PCNX1: variants seen among roughly 807,000 people sequenced by gnomAD.
PCNX1 encodes pecanex 1.
A neutral mutation model predicts 242.2 loss-of-function variants in PCNX1; 78 were observed. The ratio of observed to expected loss-of-function variants is 0.32; its 90% CI spans 0.27 to 0.39. The LOEUF is 0.39. PCNX1 is among the 10% of genes least tolerant of loss of function. The pLI is 1.00. For missense variants in PCNX1, 2,581 were observed against 2,856.5 expected, an observed-to-expected ratio of 0.90 and a Z score of 2.20; for synonymous variants, 1,024 against 1,032.9, an observed-to-expected ratio of 0.99 and a Z score of 0.17.
At chr14:71,065,602 T>C (rs888143513) in intron 26 of PCNX1, among the ~76,000 whole-genome samples, 16 of 152,142 alleles carry the variant, frequency 1.1e-4, no homozygotes, top group Non-Finnish European at 1.9e-4. Flanking sequence ...TTCTTTTGCT[T>C]TACAGAAGCT....
rs925129981 is a variant in PCNX1 at position 71,025,080 on chromosome 14, C to A, written c.3184-1037C>A. ...TGATTCAGTTATCATTTATTGGTTG[C>A]CAAATGGTGATTTTTCTCATCCTGT... On this transcript the variant is annotated intron_variant, in intron 13 of 35. Transcript: ENST00000304743. Among the ~76,000 whole-genome samples the A allele has an allele frequency of 2.6e-5, 4 of 152,180 alleles. No homozygotes were observed. The East Asian group carries it at 5.8e-4, about 22-fold the overall frequency.
intron 8 of PCNX1, among the ~76,000 whole-genome samples, chr14:70,996,964 G>C (rs923956641): frequency 6.6e-6 from 1 of 152,070 alleles, no homozygotes; most frequent in African/African-American, 2.4e-5. Context: ...GTCATGTTCA[G>C]ATCTCACAGA....
intron 2 of PCNX1, among the ~76,000 whole-genome samples, chr14:70,949,046 A>T (rs1044900090): frequency 5.4e-5 from 8 of 148,906 alleles, no homozygotes; most frequent in African/African-American, 2.0e-4. Context: ...ATACACATGT[A>T]TATATAGATA....
At chr14:71,031,865 G>T in intron 16 of PCNX1, 1 of 1,456,490 alleles carries the variant, frequency 6.9e-7, no homozygotes. Flanking sequence ...CACTGTTTCA[G>T]CACTTTCACA....
At chr14:71,097,157 T>C (rs2062311397) in intron 30 of PCNX1, among the ~76,000 whole-genome samples, 2 of 152,236 alleles carry the variant, frequency 1.3e-5, no homozygotes. Flanking sequence ...TTCTTTTTTA[T>C]GGCTGCGTAG....
At chr14:71,037,472 T>G in intron 19 of PCNX1, among the ~76,000 whole-genome samples, 1 of 150,966 alleles carries the variant, frequency 6.6e-6, no homozygotes, top group Non-Finnish European at 1.5e-5. Flanking sequence ...CATCAATACC[T>G]AATTTATTGA....
At chr14:71,008,684 G>T (rs1002887324) in intron 8 of PCNX1, among the ~76,000 whole-genome samples, 4 of 147,282 alleles carry the variant, frequency 2.7e-5, no homozygotes, top group Non-Finnish European at 6.0e-5. Context: ...AAAAAAAAAG[G>T]GATTCCTGTT....
chr14:70,908,012 G>A lies in PCNX1; in HGVS notation c.153+9G>A. 6.4e-7 allele frequency: 1 copy of A among 1,569,654 alleles called. No homozygotes were observed. The highest frequency in any genetic ancestry group is 2.5e-5 in the East Asian group (1 of 39,858). ...CCTTCACCCTCTACATGGTGAGTGTGGGGGCGGGGAGCGGGTGGCTCCTTC... is the reference window on the plus strand; with the variant it reads ...CCTTCACCCTCTACATGGTGAGTGTAGGGGCGGGGAGCGGGTGGCTCCTTC... On this transcript the variant is annotated intron_variant, in intron 1 of 35. Coordinates refer to ENST00000304743, the MANE Select transcript of PCNX1 (RefSeq NM_014982.3).
At chr14:71,095,070 T>A (rs781015980) in intron 30 of PCNX1, among the ~76,000 whole-genome samples, 2 of 152,224 alleles carry the variant, frequency 1.3e-5, no homozygotes, top group African/African-American at 4.8e-5. Flanking sequence ...TTGTAGAAGA[T>A]TAACCAAAAC....
chr14:70,960,955 C>A (rs539879096), intron 2 of PCNX1, among the ~76,000 whole-genome samples: 1 of 152,254 alleles, frequency 6.6e-6, no homozygotes, highest in East Asian at 1.9e-4. Context: ...ATCCAACTTA[C>A]AAGGGATGTG....
chr14:70,951,576 T>C (rs1457424128), intron 2 of PCNX1, among the ~76,000 whole-genome samples: 1 of 152,168 alleles, frequency 6.6e-6, no homozygotes, highest in Non-Finnish European at 1.5e-5. Context: ...GGTTTCATCA[T>C]GTTGGCCAGG....
At chr14:71,059,459 C>T (rs1555371284) in intron 26 of PCNX1, among the ~76,000 whole-genome samples, 1 of 152,060 alleles carries the variant, frequency 6.6e-6, no homozygotes, top group Non-Finnish European at 1.5e-5. Flanking sequence ...TCACAGCTCA[C>T]TACATCCTCA....
intron 1 of PCNX1, among the ~76,000 whole-genome samples, chr14:70,922,990 T>C (rs939399785): frequency 1.3e-5 from 2 of 152,184 alleles, no homozygotes; most frequent in African/African-American, 4.8e-5. Context: ...TGTACCAACA[T>C]TGGTTATTAT....
intron 3 of PCNX1, chr14:70,965,399 C>T (rs2140505590): frequency 6.6e-6 from 1 of 152,446 alleles, no homozygotes; most frequent in East Asian, 1.9e-4. Flanking sequence ...CACGGTGGCT[C>T]ACGCCTGTAA....
chr14:70,996,957 ATGT>A (rs765430094), intron 8 of PCNX1, among the ~76,000 whole-genome samples: 6 of 152,168 alleles, frequency 3.9e-5, no homozygotes, highest in Admixed American at 1.3e-4. Flanking sequence ...GAAAAGTGTC[ATGT>A]TCAGATCTCA....
In PCNX1 at chr14:71,101,992, T is replaced by A; in HGVS notation, c.5592T>A (p.Asp1864Glu). The change falls in exon 31 of 36, where the codon GAT becomes GAA. Residue 1864 changes from aspartate (D) to glutamate (E), a missense_variant and splice_region_variant. By Grantham distance (45) the Asp-to-Glu change is conservative. Around this residue, in one of 9 missense-constraint regions of PCNX1, gnomAD observed 298 missense variants for 480.1 expected, o/e 0.62. Coordinates refer to ENST00000304743, the MANE Select transcript of PCNX1 (RefSeq NM_014982.3). ...GIRMSIKLHQ[D>E]HFTSPDEYDD... The stretch of plus-strand genomic sequence containing the variant: ...TTATATATTATTTTTGTATTTAGGA[T>A]CATTTTACTTCTCCAGATGAATATG... 6.6e-7 allele frequency: 1 copy of A among 1,524,658 alleles called. No homozygotes were observed. The highest frequency in any genetic ancestry group is 8.9e-7 in the Non-Finnish European group (1 of 1,120,620). The allele number at this position is 1,524,658 out of a possible 1,614,324, so 94.4% of individuals were successfully genotyped here.
intron 30 of PCNX1, among the ~76,000 whole-genome samples, chr14:71,094,010 A>C (rs575344921): frequency 2.0e-5 from 3 of 152,176 alleles, no homozygotes; most frequent in Non-Finnish European, 1.5e-5. Flanking sequence ...TGTATTTAAC[A>C]TTTTTGGGGG....
At chr14:70,983,427 C>T (rs2058902512) in intron 6 of PCNX1, among the ~76,000 whole-genome samples, 2 of 152,142 alleles carry the variant, frequency 1.3e-5, no homozygotes, top group Non-Finnish European at 2.9e-5. Context: ...GCCTCAGCCT[C>T]CCGAGTAGCT....
intron 8 of PCNX1, among the ~76,000 whole-genome samples, chr14:71,004,958 T>A (rs1419378644): frequency 6.6e-6 from 1 of 152,080 alleles, no homozygotes; most frequent in Non-Finnish European, 1.5e-5. Flanking sequence ...TTATAGCCCC[T>A]CTCTGCCCTA....
Sources: allele counts gnomAD v4.1 joint callset (sites outside exome capture counted in the v4.1 genomes callset), GRCh38; gene constraint gnomAD v4.1.1; regional missense constraint gnomAD v4.1.1; transcripts MANE v1.5; gene names NCBI Gene and HGNC (gene_info 2026-07-23, HGNC 2026-07-21).